PCDH11X: variants seen among roughly 807,000 people sequenced by gnomAD.
PCDH11X encodes protocadherin-11 X-linked.
A neutral mutation model predicts 53.3 loss-of-function variants in PCDH11X; 18 were observed. The observed-to-expected ratio is 0.34, with a 90% CI of 0.23 to 0.50. The LOEUF is 0.50. Among genes scored for constraint, PCDH11X ranks in the 20% least tolerant of loss-of-function variants. The pLI is 0.98. For missense variants in PCDH11X, 570 were observed against 1,032.4 expected (o/e 0.55, Z 6.14); for synonymous variants, 279 against 393.3 (o/e 0.71, Z 3.44).
At chrX:91,801,029 A>T (rs761849233) in intron 1 of PCDH11X, among the ~76,000 whole-genome samples, 14 of 107,911 alleles carry the variant, frequency 1.3e-4, no homozygotes, top group Non-Finnish European at 2.1e-4. Flanking sequence ...AAGTAAAAAA[A>T]ATTAGCTGGG....
intron 9 of PCDH11X, among the ~76,000 whole-genome samples, chrX:92,438,485 A>G (rs911092452): frequency 2.0e-4 from 22 of 111,048 alleles, no homozygotes; most frequent in Non-Finnish European, 3.4e-4. Flanking sequence ...TAATTTGAGA[A>G]AACAGCAGAA....
At chrX:91,802,408 G>T (rs1163957643) in intron 1 of PCDH11X, among the ~76,000 whole-genome samples, 1 of 111,655 alleles carries the variant, frequency 9.0e-6, no homozygotes, top group Non-Finnish European at 1.9e-5. Flanking sequence ...TGTCTTGTCT[G>T]CTGTGCTTTT....
At chrX:92,369,158 G>A (rs1162674146) in intron 8 of PCDH11X, among the ~76,000 whole-genome samples, 1 of 107,955 alleles carries the variant, frequency 9.3e-6, no homozygotes, top group African/African-American at 3.4e-5. Context: ...GGAAATGGGG[G>A]TTTTGTCTGT....
At chrX:92,250,690 C>T (rs1440073725) in intron 7 of PCDH11X, among the ~76,000 whole-genome samples, 1 of 106,862 alleles carries the variant, frequency 9.4e-6, no homozygotes, top group Non-Finnish European at 1.9e-5. Flanking sequence ...ATTACTGAAA[C>T]ATGCTACAAT....
chrX:92,090,694 C>T (rs1052336152), intron 6 of PCDH11X, among the ~76,000 whole-genome samples: 2 of 110,089 alleles, frequency 1.8e-5, no homozygotes, highest in Admixed American at 9.8e-5. Context: ...GTAGGAAATA[C>T]GCATAACAAG....
chrX:92,239,352 T>G (rs968189732), intron 7 of PCDH11X, among the ~76,000 whole-genome samples: 65 of 111,794 alleles, frequency 5.8e-4, no homozygotes, highest in African/African-American at 2.0e-3. Flanking sequence ...ATATAGATGA[T>G]CAGTCCTATT....
intron 8 of PCDH11X, among the ~76,000 whole-genome samples, chrX:92,270,614 T>C (rs924908370): frequency 4.5e-5 from 5 of 111,755 alleles, no homozygotes; most frequent in African/African-American, 1.6e-4. Context: ...GGCTTTGATA[T>C]TTAAAGGGGA....
At chrX:91,970,489 C>T (rs773892084) in intron 6 of PCDH11X, among the ~76,000 whole-genome samples, 27 of 111,238 alleles carry the variant, frequency 2.4e-4, no homozygotes, top group Non-Finnish European at 3.0e-4. Flanking sequence ...CTGATTGGTG[C>T]GTGTACAAAC....
At chrX:92,608,154 G>A (rs1228830327) in intron 10 of PCDH11X, among the ~76,000 whole-genome samples, 3 of 105,232 alleles carry the variant, frequency 2.9e-5, no homozygotes, top group Non-Finnish European at 5.8e-5. Flanking sequence ...AACTTGAATT[G>A]CCATTATCAC....
intron 6 of PCDH11X, among the ~76,000 whole-genome samples, chrX:92,003,720 G>T (rs1280772455): frequency 9.9e-6 from 1 of 100,575 alleles, no homozygotes; most frequent in Non-Finnish European, 2.0e-5. Context: ...TTGAATTTCT[G>T]CAGTATCAAT....
At chrX:91,976,078 G>T (rs2062041977) in intron 6 of PCDH11X, among the ~76,000 whole-genome samples, 2 of 111,121 alleles carry the variant, frequency 1.8e-5, no homozygotes, top group Admixed American at 1.9e-4. Context: ...TTTGAGACTG[G>T]GTCCCACTCT....
At chrX:92,040,617 G>T (rs1206995352) in intron 6 of PCDH11X, among the ~76,000 whole-genome samples, 1 of 111,883 alleles carries the variant, frequency 8.9e-6, no homozygotes, top group Non-Finnish European at 1.9e-5. Flanking sequence ...CTCTTTTGGT[G>T]ATATGAAGTT....
At chrX:91,821,493 A>C (rs1936680017) in intron 4 of PCDH11X, among the ~76,000 whole-genome samples, 1 of 110,991 alleles carries the variant, frequency 9.0e-6, no homozygotes, top group South Asian at 3.8e-4. Flanking sequence ...TTGGTGTATA[A>C]GAATGCTTGT....
chrX:92,393,620 CAA>C (rs2071180598), intron 9 of PCDH11X, among the ~76,000 whole-genome samples: 1 of 110,937 alleles, frequency 9.0e-6, no homozygotes, highest in African/African-American at 3.3e-5. Flanking sequence ...ACAATAATAT[CAA>C]AGTCACTTTT....
At chrX:92,219,495 G>C (rs1054712961) in intron 7 of PCDH11X, among the ~76,000 whole-genome samples, 2 of 110,316 alleles carry the variant, frequency 1.8e-5, no homozygotes, top group South Asian at 7.9e-4. Flanking sequence ...TACAAGGGAC[G>C]TGAAGGCCCT....
chrX:92,453,577 A>G (rs2072846859), intron 9 of PCDH11X, among the ~76,000 whole-genome samples: 1 of 111,131 alleles, frequency 9.0e-6, no homozygotes, highest in African/African-American at 3.3e-5. Context: ...TAACAGAATG[A>G]GATTATGGGT....
intron 6 of PCDH11X, among the ~76,000 whole-genome samples, chrX:91,902,472 G>C (rs2147786451): frequency 1.0e-5 from 1 of 99,588 alleles, no homozygotes; most frequent in South Asian, 5.0e-4. Flanking sequence ...TTCTTTTTCT[G>C]TGTGGTAATT....
chrX:92,111,311 G>GT (rs2064506028), intron 6 of PCDH11X, among the ~76,000 whole-genome samples: 1 of 96,932 alleles, frequency 1.0e-5, no homozygotes, highest in Middle Eastern at 5.8e-3. Context: ...TTTATCAGTA[G>GT]TTTTTTACAA....
intron 9 of PCDH11X, among the ~76,000 whole-genome samples, chrX:92,423,916 T>C: frequency 1.0e-5 from 1 of 96,911 alleles, no homozygotes; most frequent in African/African-American, 3.3e-5. Flanking sequence ...AGTCAGGTAA[T>C]ATGATGCCTC....
Sources: allele counts gnomAD v4.1 joint callset (sites outside exome capture counted in the v4.1 genomes callset), GRCh38; gene constraint gnomAD v4.1.1; transcripts MANE v1.5; gene names NCBI Gene and HGNC (gene_info 2026-07-23, HGNC 2026-07-21).